The following COL19A1 variants were observed in gnomAD, a reference collection of about 807,000 sequenced individuals.
The protein encoded by COL19A1 is collagen alpha-1(XIX) chain.
COL19A1 carries 159 observed loss-of-function variants against 190.2 expected under a neutral mutation model. The ratio of observed to expected loss-of-function variants is 0.84; its 90% CI spans 0.73 to 0.95. COL19A1 has a LOEUF of 0.95. Ranked by LOEUF, COL19A1 falls within the 40% of genes least tolerant of loss-of-function variation. COL19A1 has a pLI of 0.00. For synonymous variants in COL19A1, 509 were observed against 458.9 expected (o/e 1.11, Z -1.39); for missense variants, 1,418 against 1,431.9 (o/e 0.99, Z 0.16).
At chr6:70,006,181 G>T (rs936202921) in intron 11 of COL19A1, among the ~76,000 whole-genome samples, 1 of 152,186 alleles carries the variant, frequency 6.6e-6, no homozygotes, top group African/African-American at 2.4e-5. Context: ...CTGTGGGGCT[G>T]GTTGCCCCTC....
intron 44 of COL19A1, among the ~76,000 whole-genome samples, chr6:70,180,875 A>G (rs1766131905): frequency 6.6e-6 from 1 of 152,234 alleles, no homozygotes; most frequent in Non-Finnish European, 1.5e-5. Context: ...TAATACCTGT[A>G]TGTTAAACCA....
chr6:70,020,015 T>G (rs1169445920), intron 11 of COL19A1, among the ~76,000 whole-genome samples: 1 of 152,128 alleles, frequency 6.6e-6, no homozygotes, highest in African/African-American at 2.4e-5. Flanking sequence ...ATTGCTTTTC[T>G]TTCAAGAGTG....
At chr6:70,169,073 C>CA (rs3831023) in intron 40 of COL19A1, among the ~76,000 whole-genome samples, 113,935 of 150,426 alleles carry the variant, frequency 0.76, 43,893 homozygotes, top group African/African-American at 0.9. Context: ...ATCTCCCCAA[C>CA]AAAAAAAAAG....
intron 11 of COL19A1, among the ~76,000 whole-genome samples, chr6:70,017,618 A>G (rs1447805339): frequency 6.6e-6 from 1 of 152,096 alleles, no homozygotes; most frequent in East Asian, 1.9e-4. Flanking sequence ...AGTTTGTTGA[A>G]AGGGAAAACA....
chr6:69,911,370 T>C (rs990481820), intron 4 of COL19A1, among the ~76,000 whole-genome samples: 8 of 152,250 alleles, frequency 5.3e-5, no homozygotes, highest in African/African-American at 7.2e-5. Context: ...TCAGCACTTA[T>C]GTTTCCTAAG....
At chr6:70,079,294 T>A (rs1010269547) in intron 15 of COL19A1, among the ~76,000 whole-genome samples, 1 of 152,026 alleles carries the variant, frequency 6.6e-6, no homozygotes, top group Non-Finnish European at 1.5e-5. Flanking sequence ...AAGAGATGAG[T>A]CAGTTTGAAG....
chr6:70,097,643 T>C (rs1007691493), intron 15 of COL19A1, among the ~76,000 whole-genome samples: 3 of 152,156 alleles, frequency 2.0e-5, no homozygotes, highest in Non-Finnish European at 2.9e-5. Context: ...ATCTAAATTA[T>C]TGTCTAATAA....
intron 15 of COL19A1, among the ~76,000 whole-genome samples, chr6:70,071,317 T>G (rs1477637543): frequency 6.6e-6 from 1 of 152,146 alleles, no homozygotes; most frequent in Non-Finnish European, 1.5e-5. Context: ...AGCAACACTA[T>G]TTTTGCAAGT....
At chr6:69,872,512 AT>A (rs1767901116) in intron 1 of COL19A1, among the ~76,000 whole-genome samples, 2 of 152,246 alleles carry the variant, frequency 1.3e-5, no homozygotes, top group South Asian at 4.1e-4. Context: ...ACTTAAAAAA[AT>A]CTATATCCTT....
At chr6:70,193,823 T>A (rs531438735) in intron 48 of COL19A1, among the ~76,000 whole-genome samples, 24 of 152,312 alleles carry the variant, frequency 1.6e-4, no homozygotes, top group African/African-American at 5.8e-4. Flanking sequence ...CTCCATTTAA[T>A]TTTCCACTTA....
At chr6:70,169,923 A>G (rs968934891) in intron 40 of COL19A1, among the ~76,000 whole-genome samples, 1 of 152,156 alleles carries the variant, frequency 6.6e-6, no homozygotes, top group African/African-American at 2.4e-5. Flanking sequence ...GCAGATTAAG[A>G]TAAGAACTTT....
chr6:70,178,881 G>A (rs1484806031), intron 42 of COL19A1, among the ~76,000 whole-genome samples: 6 of 152,186 alleles, frequency 3.9e-5, no homozygotes, highest in African/African-American at 1.4e-4. Flanking sequence ...AGAAGTGCCT[G>A]TGAGTGCTGG....
rs1296708205 is a variant in COL19A1 at position 69,921,424 on chromosome 6, TA to T, written c.267-6484del. Among the ~76,000 whole-genome samples the T allele has an allele frequency of 2.9e-4, 33 of 113,308 alleles. 1 individual carries two copies. Among genetic ancestry groups the T allele is most frequent in the South Asian group, 5.2e-4 (2 of 3,874 alleles). 74.3% of individuals were successfully genotyped at this position (113,308 alleles called of 152,430 possible). On this transcript the variant is annotated intron_variant, in intron 4 of 50. Coordinates refer to ENST00000620364, the MANE Select transcript of COL19A1 (RefSeq NM_001858.6). ...TATCATATATATCATATATCATATA[TA>T]TCATATATATCATATATATCATATA...
intron 2 of COL19A1, among the ~76,000 whole-genome samples, chr6:69,896,443 A>T (rs1401860627): frequency 3.3e-5 from 5 of 149,366 alleles, no homozygotes; most frequent in African/African-American, 1.2e-4. Flanking sequence ...AGGCTGAGGC[A>T]GGAGAATGGC....
Position 70,144,976 on chromosome 6 carries a change from G to A in COL19A1, c.1739G>A (p.Gly580Asp). The A allele has an allele frequency of 6.3e-7, 1 of 1,594,122 alleles. No homozygotes were observed. Among genetic ancestry groups the A allele is most frequent in the Non-Finnish European group, 8.6e-7 (1 of 1,168,734 alleles). Reference protein sequence around the residue: ...PGLPGPKGEAGPPGKSLPGEP... With the variant: ...PGLPGPKGEADPPGKSLPGEP... Reference sequence around the variant, plus strand: ...CTTCCAGGTCCAAAAGGTGAGGCTGGTCCTCCAGGGAAAAGCCTGCCAGGG... The same window carrying A: ...CTTCCAGGTCCAAAAGGTGAGGCTGATCCTCCAGGGAAAAGCCTGCCAGGG... Residue 580 changes from glycine (G) to aspartate (D), a missense_variant, in exon 25 of 51, where the codon GGT becomes GAT. Transcript: ENST00000620364.
chr6:70,002,072 T>C (rs555184797), intron 11 of COL19A1, among the ~76,000 whole-genome samples: 1 of 151,932 alleles, frequency 6.6e-6, no homozygotes, highest in South Asian at 2.1e-4. Context: ...GTTTTTAACA[T>C]GAAGGATGTT....
chr6:69,968,938 T>C (rs1775268151), intron 11 of COL19A1, among the ~76,000 whole-genome samples: 1 of 152,220 alleles, frequency 6.6e-6, no homozygotes, highest in South Asian at 2.1e-4. Flanking sequence ...AAAGTGATGG[T>C]GACATATCGT....
At chr6:70,076,794 T>G (rs1781910285) in intron 15 of COL19A1, among the ~76,000 whole-genome samples, 2 of 152,292 alleles carry the variant, frequency 1.3e-5, no homozygotes, top group South Asian at 4.1e-4. Context: ...ACAGAAACAC[T>G]TAAAGAGAAT....
chr6:70,016,566 T>TTGG, intron 11 of COL19A1, among the ~76,000 whole-genome samples: 1 of 151,622 alleles, frequency 6.6e-6, no homozygotes, highest in Non-Finnish European at 1.5e-5. Context: ...TTTTTTTAAA[T>TTGG]TTAAAAATAT....
Sources: allele counts gnomAD v4.1 joint callset (sites outside exome capture counted in the v4.1 genomes callset), GRCh38; gene constraint gnomAD v4.1.1; transcripts MANE v1.5; gene names NCBI Gene and HGNC (gene_info 2026-07-23, HGNC 2026-07-21).